The following ZFHX3 variants were observed in gnomAD, a reference collection of about 807,000 sequenced individuals.
The protein encoded by ZFHX3 is zinc finger homeobox 3, also known as zinc finger homeobox protein 3.
In ZFHX3, 42 loss-of-function variants were observed where a neutral mutation model predicts 279.1. The observed-to-expected ratio is 0.15, with a 90% CI of 0.12 to 0.19. The LOEUF (loss-of-function observed/expected upper bound fraction) is 0.19. ZFHX3 is among the 10% of genes least tolerant of loss of function. ZFHX3 has a pLI of 1.00. For synonymous variants in ZFHX3, 2,293 were observed against 1,957.8 expected (o/e 1.17, Z -4.52); for missense variants, 4,981 against 4,754.0 (o/e 1.05, Z -1.40).
At chr16:72,948,107 C>T (rs1246851076) in intron 3 of ZFHX3, among the ~76,000 whole-genome samples, 1 of 152,192 alleles carries the variant, frequency 6.6e-6, no homozygotes, top group Non-Finnish European at 1.5e-5. Flanking sequence ...CGGTGTCATC[C>T]AGGAGTGAGC....
At chr16:73,858,881 T>C (rs1185120424) in intron 1 of ZFHX3, among the ~76,000 whole-genome samples, 2 of 152,206 alleles carry the variant, frequency 1.3e-5, no homozygotes, top group Admixed American at 6.5e-5. Flanking sequence ...CAAGATCTGA[T>C]TGTGACCAGC....
At chr16:73,322,056 C>T (rs1001695693) in intron 3 of ZFHX3, among the ~76,000 whole-genome samples, 1 of 152,240 alleles carries the variant, frequency 6.6e-6, no homozygotes, top group Non-Finnish European at 1.5e-5. Flanking sequence ...CCAGCCCTCA[C>T]AGTTCATTTG....
At chr16:73,265,942 C>A (rs1464358545) in intron 4 of ZFHX3, among the ~76,000 whole-genome samples, 5 of 152,166 alleles carry the variant, frequency 3.3e-5, no homozygotes, top group Non-Finnish European at 7.3e-5. Flanking sequence ...GCCATCTGAT[C>A]GATTTCATCT....
At chr16:73,831,378 C>T (rs1421424365) in intron 1 of ZFHX3, among the ~76,000 whole-genome samples, 2 of 152,146 alleles carry the variant, frequency 1.3e-5, no homozygotes, top group Non-Finnish European at 2.9e-5. Context: ...GCCCTGGGGG[C>T]TCTGATGAGA....
chr16:73,039,872 G>T (rs1041346419), intron 1 of ZFHX3, among the ~76,000 whole-genome samples: 10 of 152,072 alleles, frequency 6.6e-5, no homozygotes, highest in Admixed American at 2.0e-4. Flanking sequence ...GAGCAGGAGG[G>T]GACATCCCTT....
In ZFHX3 at chr16:73,044,692, G is replaced by A. The variant is rs566865478; in HGVS notation, c.-50+3060C>T. On this transcript the variant is annotated intron_variant, in intron 1 of 9. Transcript: ENST00000268489. ...GCTAGAATGCAATGGCCCAATCTCA[G>A]CTCACTGCAACCTCCCCCTCCCAGA... Among the ~76,000 whole-genome samples, 3 of 152,280 alleles carry A rather than the reference G, an allele frequency of 2.0e-5. No individual in the cohort carries two copies. In the South Asian group the frequency reaches 6.2e-4, roughly 32 times the overall value.
At chr16:73,728,695 T>G (rs1000154609) in intron 1 of ZFHX3, among the ~76,000 whole-genome samples, 1 of 152,062 alleles carries the variant, frequency 6.6e-6, no homozygotes, top group Admixed American at 6.5e-5. Context: ...CTACTGCTTG[T>G]TGTAAGAATT....
At chr16:73,661,973 G>T (rs60022731) in intron 2 of ZFHX3, among the ~76,000 whole-genome samples, 96,672 of 144,048 alleles carry the variant, frequency 0.67, 32,446 homozygotes, top group East Asian at 0.84. Context: ...TTTTTTTTTT[G>T]TTTTTTTTTT....
chr16:73,475,473 A>G (rs1218970952), intron 2 of ZFHX3, among the ~76,000 whole-genome samples: 4 of 152,052 alleles, frequency 2.6e-5, no homozygotes, highest in Middle Eastern at 6.4e-3. Context: ...TTATTATATC[A>G]TGGTATTTGC....
In ZFHX3 at chr16:72,958,404, A is replaced by G. The variant is rs1405980712; in HGVS notation, c.1742T>C (p.Val581Ala). 2.5e-6 allele frequency: 4 copies of G among 1,614,080 alleles called. No individual in the cohort carries two copies. The highest frequency in any genetic ancestry group is 3.4e-6 in the Non-Finnish European group (4 of 1,180,030). The stretch of plus-strand genomic sequence containing the variant: ...GTCCAGCCTCCTGCCGCCCTCTGCC[A>G]CATTGGCCCTGACGCCCTCACTGTT... ...SFNSEGVRAN[V>A]AEGGRRLDFA... The change falls in exon 2 of 10, where the codon GTG becomes GCG. Residue 581 changes from valine (V) to alanine (A), a missense_variant. Coordinates refer to ENST00000268489, the MANE Select transcript of ZFHX3 (RefSeq NM_006885.4).
intron 4 of ZFHX3, among the ~76,000 whole-genome samples, chr16:72,831,400 G>A (rs1347538063): frequency 1.3e-5 from 2 of 151,960 alleles, no homozygotes. Context: ...CTCCAACTCA[G>A]GATTCCACAT....
At chr16:73,346,137 C>T (rs770111403) in intron 3 of ZFHX3, among the ~76,000 whole-genome samples, 1 of 152,146 alleles carries the variant, frequency 6.6e-6, no homozygotes, top group Non-Finnish European at 1.5e-5. Flanking sequence ...TTGAGAGACC[C>T]CCAGTCAAAT....
At chr16:73,043,717 C>G (rs547986323) in intron 1 of ZFHX3, among the ~76,000 whole-genome samples, 6 of 152,182 alleles carry the variant, frequency 3.9e-5, no homozygotes, top group Non-Finnish European at 7.3e-5. Flanking sequence ...TGCTGTCAAT[C>G]GGCACTAAGC....
chr16:73,180,075 C>T (rs1967758930), intron 5 of ZFHX3, among the ~76,000 whole-genome samples: 1 of 152,162 alleles, frequency 6.6e-6, no homozygotes, highest in Non-Finnish European at 1.5e-5. Context: ...TTACAGACTC[C>T]TACGGGAAAC....
At chr16:73,041,184 C>A (rs1205344963) in intron 1 of ZFHX3, among the ~76,000 whole-genome samples, 1 of 152,222 alleles carries the variant, frequency 6.6e-6, no homozygotes, top group Non-Finnish European at 1.5e-5. Flanking sequence ...GAAGACCACA[C>A]CTCCCTCCAG....
intron 7 of ZFHX3, 129 bp from the exon 8 acceptor site, chr16:72,800,258 G>T (rs907623823): frequency 2.9e-6 from 2 of 690,220 alleles, no homozygotes; most frequent in Non-Finnish European, 5.0e-6. Context: ...ACTTTTCATA[G>T]CTCACTGAAG....
intron 2 of ZFHX3, among the ~76,000 whole-genome samples, chr16:73,605,486 C>G (rs2052168000): frequency 6.6e-6 from 1 of 152,172 alleles, no homozygotes; most frequent in Non-Finnish European, 1.5e-5. Context: ...CAAATTAAGT[C>G]AGGATTCCAG....
Position 72,959,353 on chromosome 16 carries a change from C to A in ZFHX3, c.793G>T (p.Asp265Tyr). ...ACAAAGCCATCGAATTTGGACAGGT[C>A]CACATTGTTGGGAACATCTTTGGAT... ...CVSKDVPNNV[D>Y]LSKFDGFVLY... Residue 265 changes from aspartate (D) to tyrosine (Y), a missense_variant, in exon 2 of 10, where the codon GAC becomes TAC. This residue lies in a region of ZFHX3 where 1,068 missense variants were observed against 935.2 expected (regional missense o/e 1.14). Coordinates refer to ENST00000268489, the MANE Select transcript of ZFHX3 (RefSeq NM_006885.4). The A allele has an allele frequency of 6.2e-7, 1 of 1,614,222 alleles. No individual in the cohort carries two copies. Among genetic ancestry groups the A allele is most frequent in the Non-Finnish European group, 8.5e-7 (1 of 1,180,046 alleles).
intron 3 of ZFHX3, among the ~76,000 whole-genome samples, chr16:73,384,368 C>T (rs2016864082): frequency 6.6e-6 from 1 of 152,232 alleles, no homozygotes; most frequent in African/African-American, 2.4e-5. Context: ...GACTCTTGCT[C>T]TAGGCAACGT....
Sources: allele counts gnomAD v4.1 joint callset (sites outside exome capture counted in the v4.1 genomes callset), GRCh38; gene constraint gnomAD v4.1.1; regional missense constraint gnomAD v4.1.1; transcripts MANE v1.5; gene names NCBI Gene and HGNC (gene_info 2026-07-23, HGNC 2026-07-21).